Variants in PAMR1 observed in about 807,000 individuals in gnomAD.
The protein encoded by PAMR1 is peptidase domain containing associated with muscle regeneration 1.
Under a neutral mutation model 81.8 loss-of-function variants are expected in PAMR1, and 88 were observed. The observed-to-expected ratio is 1.08, with a 90% CI of 0.91 to 1.28. The LOEUF (loss-of-function observed/expected upper bound fraction) is 1.28, where lower values mean the gene tolerates loss of function less well. Ranked by LOEUF, PAMR1 falls within the 50% of genes most tolerant of loss-of-function variation. The pLI, the probability that PAMR1 is intolerant of heterozygous loss-of-function variation, is 0.00. For synonymous variants in PAMR1, 336 were observed against 345.3 expected (o/e 0.97, Z 0.30); for missense variants, 935 against 919.7 (o/e 1.02, Z -0.21).
chr11:35,432,954 A>G (rs2135330347), intron 10 of PAMR1, 62 bp from the exon 11 acceptor site: 4 of 1,440,876 alleles, frequency 2.8e-6, no homozygotes, highest in South Asian at 1.4e-5. Context: ...ATAAGAACAG[A>G]CAAGGCTTGG....
intron 1 of PAMR1, among the ~76,000 whole-genome samples, chr11:35,501,884 G>A (rs991637771): frequency 1.3e-5 from 2 of 152,180 alleles, no homozygotes; most frequent in African/African-American, 4.8e-5. Flanking sequence ...GAATAGTGCT[G>A]CAATAAACAT....
At chr11:35,527,714 G>A (rs1026937859), upstream of PAMR1, among the ~76,000 whole-genome samples, 1 of 151,904 alleles carries the variant, frequency 6.6e-6, no homozygotes, top group Admixed American at 6.6e-5. Context: ...CCAGCTGACG[G>A]CACCTGAGCT....
intron 1 of PAMR1, among the ~76,000 whole-genome samples, chr11:35,516,768 T>C (rs1221462391): frequency 1.3e-5 from 2 of 152,228 alleles, no homozygotes; most frequent in Non-Finnish European, 2.9e-5. Flanking sequence ...CTACCAGAAC[T>C]GACAAACACA....
chr11:35,460,161 G>A (rs1856622054), intron 6 of PAMR1, among the ~76,000 whole-genome samples: 1 of 152,200 alleles, frequency 6.6e-6, no homozygotes, highest in South Asian at 2.1e-4. Context: ...AGTGGTAAAT[G>A]TCCCACAAGG....
intron 1 of PAMR1, among the ~76,000 whole-genome samples, chr11:35,509,723 T>C (rs1301328724): frequency 1.3e-5 from 2 of 152,310 alleles, no homozygotes; most frequent in Non-Finnish European, 1.5e-5. Flanking sequence ...AAAGAATCTT[T>C]TTTAAAGAAT....
At chr11:35,490,599 C>A (rs1489123364) in intron 3 of PAMR1, among the ~76,000 whole-genome samples, 1 of 152,060 alleles carries the variant, frequency 6.6e-6, no homozygotes, top group Non-Finnish European at 1.5e-5. Flanking sequence ...CCAGCCTGGG[C>A]AACATAGTAG....
chr11:35,495,340 A>C (rs1456392364), intron 1 of PAMR1, among the ~76,000 whole-genome samples: 1 of 120,188 alleles, frequency 8.3e-6, no homozygotes, highest in Non-Finnish European at 1.6e-5. Context: ...TTCTCATAAG[A>C]AAAAAAAAAA....
chr11:35,473,130 G>A (rs187483542), intron 4 of PAMR1, among the ~76,000 whole-genome samples: 64 of 152,276 alleles, frequency 4.2e-4, no homozygotes, highest in African/African-American at 1.4e-3. Context: ...ACTTTGTGGT[G>A]GTCTGGTGGT....
At position 35,452,563 on chromosome 11, in the gene PAMR1, C is replaced by T. The variant is rs558640387; in HGVS notation, c.821-10870G>A. On this transcript the variant is annotated intron_variant, in intron 6 of 10. Transcript: ENST00000619888. ...CCAAGGGTTGGGGGAGAAACTAGAA[C>T]ATACTTTAAAATAATTACAGTTATT... Among the ~76,000 whole-genome samples, 4 of 152,244 alleles carry T rather than the reference C, an allele frequency of 2.6e-5. No individual in the cohort carries two copies. The East Asian group carries it at 7.7e-4, about 29-fold the overall frequency.
intron 1 of PAMR1, among the ~76,000 whole-genome samples, chr11:35,509,600 A>C (rs1851036631): frequency 6.6e-6 from 1 of 152,256 alleles, no homozygotes; most frequent in Non-Finnish European, 1.5e-5. Flanking sequence ...TAAGTTGCTA[A>C]TAAATTTTAT....
At chr11:35,495,347 A>AT (rs1370128229) in intron 1 of PAMR1, among the ~76,000 whole-genome samples, 1 of 152,144 alleles carries the variant, frequency 6.6e-6, no homozygotes, top group African/African-American at 2.4e-5. Context: ...AAGAAAAAAA[A>AT]AAAAAATCCC....
At chr11:35,505,533 A>G (rs1377071849) in intron 1 of PAMR1, among the ~76,000 whole-genome samples, 1 of 152,068 alleles carries the variant, frequency 6.6e-6, no homozygotes, top group Non-Finnish European at 1.5e-5. Flanking sequence ...TGTTGGGTGC[A>G]TACATTGTTG....
intron 6 of PAMR1, among the ~76,000 whole-genome samples, chr11:35,454,148 G>A (rs1158505224): frequency 6.6e-6 from 1 of 152,138 alleles, no homozygotes; most frequent in Non-Finnish European, 1.5e-5. Flanking sequence ...GAACACTTAA[G>A]TCTCCCAGAT....
At position 35,441,627 on chromosome 11, in the gene PAMR1, C is replaced by A. The variant is rs774515894; in HGVS notation, c.887G>T (p.Gly296Val). 1 of 1,613,952 alleles carries A rather than the reference C, an allele frequency of 6.2e-7. No homozygotes were observed. The highest frequency in any genetic ancestry group is 1.7e-4 in the Middle Eastern group (1 of 6,048). ...ATGGCGTCCGTTGATAAGCCCAGGG[C>A]CCCCTGTTATTTTCTGGTACCCATT... ...PVNGYQKITG[G>V]PGLINGRHAK... Residue 296 changes from glycine (G) to valine (V), a missense_variant, in exon 7 of 11, where the codon GGC (glycine) becomes GTC (valine). Physicochemically the swap from Gly to Val is moderately radical, Grantham distance 109. Transcript: ENST00000619888.
intron 6 of PAMR1, among the ~76,000 whole-genome samples, 195 bp downstream of exon 6, chr11:35,467,806 C>T (rs1448973350): frequency 6.6e-6 from 1 of 152,068 alleles, no homozygotes; most frequent in Non-Finnish European, 1.5e-5. Flanking sequence ...ATAGACAAAC[C>T]TAGGAAGTTG....
At position 35,432,797 on chromosome 11, in the gene PAMR1, G is replaced by A. The variant is rs765988237; in HGVS notation, c.1722C>T (p.Thr574=). 1 of 1,609,900 alleles carries A rather than the reference G, an allele frequency of 6.2e-7. No homozygotes were observed. The highest frequency in any genetic ancestry group is 1.1e-5 in the South Asian group (1 of 91,078). ...LKLLDKARIS[T]RVQPICLAAS... ...CAGCGAGGCAGATGGGCTGGACTCG[G>A]GTGCTGATACGGGCCTTGTCTAGGA... Residue 574 remains threonine (T), a synonymous_variant, in exon 11 of 11, where the codon ACC becomes ACT. Coordinates refer to ENST00000619888, the MANE Select transcript of PAMR1 (RefSeq NM_001001991.3).
chr11:35,525,480 C>T, intron 1 of PAMR1, 33 bp downstream of exon 1: 6 of 1,579,344 alleles, frequency 3.8e-6, no homozygotes, highest in South Asian at 1.1e-5. Flanking sequence ...CTAGGGTGTC[C>T]TCCTAGGGTG....
chr11:35,441,680 T>C lies in PAMR1; in HGVS notation c.834A>G (p.Arg278=), dbSNP rs943660828. The change falls in exon 7 of 11, where the codon AGA becomes AGG. Residue 278 remains arginine (R), a synonymous_variant. Transcript: ENST00000619888. ...GQRCENLLEE[R]NCSDPGGPVN... The stretch of plus-strand genomic sequence containing the variant: ...CTGGGCCCCCAGGGTCTGAGCAGTT[T>C]CTTTCTTCAAGGACTAAAAGAAAGT... 6.2e-7 allele frequency: 1 copy of C among 1,609,314 alleles called. No individual in the cohort carries two copies. The highest frequency in any genetic ancestry group is 8.5e-7 in the Non-Finnish European group (1 of 1,178,220).
chr11:35,509,890 A>C (rs558161882), intron 1 of PAMR1, among the ~76,000 whole-genome samples: 8 of 152,212 alleles, frequency 5.3e-5, no homozygotes, highest in Non-Finnish European at 1.2e-4. Context: ...ATTTAAAGGC[A>C]AAGCCTTATG....
Sources: gnomAD v4.1 joint callset for allele counts (sites outside exome capture counted in the v4.1 genomes callset) on GRCh38, gnomAD v4.1.1 for gene constraint, MANE v1.5 for transcripts, NCBI Gene and HGNC (gene_info 2026-07-23, HGNC 2026-07-21) for gene names.